The following ACCSL variants were observed in gnomAD, a reference collection of about 807,000 sequenced individuals.
ACCSL encodes probable inactive 1-aminocyclopropane-1-carboxylate synthase-like protein 2.
A neutral mutation model predicts 61.7 loss-of-function variants in ACCSL; 55 were observed. That is an observed-to-expected ratio of 0.89 (90% CI 0.72 to 1.12). The LOEUF is 1.12. Among genes scored for constraint, ACCSL ranks in the 50% most tolerant of loss-of-function variants. ACCSL has a pLI of 0.00. For synonymous variants in ACCSL, 258 were observed against 264.3 expected (o/e 0.98, Z 0.23); for missense variants, 632 against 698.0 (o/e 0.91, Z 1.07).
At chr11:44,057,145 G>A (rs1300703330) in intron 11 of ACCSL, among the ~76,000 whole-genome samples, 3 of 152,138 alleles carry the variant, frequency 2.0e-5, no homozygotes, top group Non-Finnish European at 2.9e-5. Context: ...TAGATTCATC[G>A]TCCCCTTGCT....
At chr11:43,926,460 C>T in the ACCSL span, 1 of 455,650 alleles carries the variant, frequency 2.2e-6, no homozygotes, top group Non-Finnish European at 4.4e-6. Flanking sequence ...TACAGAACGC[C>T]TTGGCCTGCA....
chr11:43,954,194 G>A, the ACCSL span, among the ~76,000 whole-genome samples: 1 of 152,160 alleles, frequency 6.6e-6, no homozygotes. Flanking sequence ...GAGCAAATGT[G>A]TTTTGTTATG....
At chr11:43,988,040 G>A in the ACCSL span, among the ~76,000 whole-genome samples, 1 of 152,116 alleles carries the variant, frequency 6.6e-6, no homozygotes, top group Non-Finnish European at 1.5e-5. Flanking sequence ...ACCCCCACAG[G>A]AAGGATGAAT....
At chr11:44,007,747 T>G in the ACCSL span, among the ~76,000 whole-genome samples, 1 of 152,214 alleles carries the variant, frequency 6.6e-6, no homozygotes, top group Non-Finnish European at 1.5e-5. Context: ...GATGATTATG[T>G]ATGCCCTTGC....
chr11:43,921,423 C>A, the ACCSL span, among the ~76,000 whole-genome samples: 10 of 152,184 alleles, frequency 6.6e-5, no homozygotes, highest in Non-Finnish European at 2.9e-5. Flanking sequence ...ATATGAAATA[C>A]TTTCTAAAAT....
chr11:44,050,700 A>C, intron 3 of ACCSL, 78 bp downstream of exon 3: 3 of 1,411,486 alleles, frequency 2.1e-6, no homozygotes, highest in Non-Finnish European at 3.0e-6. Context: ...CAAGGCACCA[A>C]ATTCCTGGTT....
rs932434588 is a variant in ACCSL, at chr11:44,051,579, G to T, written c.706-74G>T. ...TCCCTGTGCCTGTTCTGCCCAGGGG[G>T]ATGGAGAAAGCATGGCTACCCCTTC... On this transcript the variant is annotated intron_variant, in intron 4 of 13. Transcript: ENST00000378832. The T allele has an allele frequency of 5.7e-6, 9 of 1,590,506 alleles. No homozygotes were observed. The African/African-American group carries it at 1.1e-4, about 19-fold the overall frequency.
At chr11:44,016,091 C>T in the ACCSL span, among the ~76,000 whole-genome samples, 1 of 152,218 alleles carries the variant, frequency 6.6e-6, no homozygotes, top group South Asian at 2.1e-4. Flanking sequence ...ACACTTCTTC[C>T]AACCAATGAA....
At chr11:43,981,959 G>A in the ACCSL span, among the ~76,000 whole-genome samples, 1 of 152,206 alleles carries the variant, frequency 6.6e-6, no homozygotes, top group African/African-American at 2.4e-5. Context: ...CTTGAGTCCT[G>A]GTCTGTTTGT....
chr11:43,988,747 T>C, the ACCSL span, among the ~76,000 whole-genome samples: 1 of 150,704 alleles, frequency 6.6e-6, no homozygotes, highest in East Asian at 2.0e-4. Flanking sequence ...CAAAACAGGA[T>C]GATTGCTCTT....
the ACCSL span, among the ~76,000 whole-genome samples, chr11:43,942,031 C>CGTGTGTGT: frequency 5.2e-5 from 6 of 114,464 alleles, no homozygotes; most frequent in East Asian, 1.0e-3. Context: ...TGTTTGCATT[C>CGTGTGTGT]GTGCGTGTGT....
chr11:43,942,971 G>T, the ACCSL span: 7 of 1,495,686 alleles, frequency 4.7e-6, no homozygotes, highest in Admixed American at 1.6e-4. Context: ...GCCGCACTTC[G>T]TGTGCCTGGC....
At chr11:43,946,388 A>T in the ACCSL span, among the ~76,000 whole-genome samples, 2 of 152,160 alleles carry the variant, frequency 1.3e-5, no homozygotes, top group Non-Finnish European at 2.9e-5. Flanking sequence ...GTGAGCCACC[A>T]TGCCTGGCCC....
the ACCSL span, chr11:43,921,274 C>G: frequency 6.6e-6 from 1 of 152,190 alleles, no homozygotes; most frequent in African/African-American, 2.4e-5. Flanking sequence ...TGCTCTGACT[C>G]GGCACTCAGA....
chr11:44,038,124 T>C, the ACCSL span, among the ~76,000 whole-genome samples: 1 of 151,906 alleles, frequency 6.6e-6, no homozygotes, highest in Non-Finnish European at 1.5e-5. Context: ...GCTATAAAAA[T>C]GAAAGGTGGG....
At chr11:44,004,529 C>T in the ACCSL span, among the ~76,000 whole-genome samples, 6 of 152,254 alleles carry the variant, frequency 3.9e-5, no homozygotes, top group East Asian at 5.8e-4. Flanking sequence ...AGCCTGTCTG[C>T]GACTCTCAAG....
chr11:44,038,778 A>T, the ACCSL span, among the ~76,000 whole-genome samples: 3 of 152,148 alleles, frequency 2.0e-5, no homozygotes, highest in African/African-American at 7.2e-5. Flanking sequence ...CTTACTTTTT[A>T]AAAAATTTTG....
chr11:43,974,578 C>T, the ACCSL span, among the ~76,000 whole-genome samples: 1 of 152,190 alleles, frequency 6.6e-6, no homozygotes, highest in East Asian at 1.9e-4. Flanking sequence ...AGCAGTGGCA[C>T]CATTCAATCC....
the ACCSL span, among the ~76,000 whole-genome samples, chr11:44,027,147 T>C: frequency 6.6e-6 from 1 of 152,228 alleles, no homozygotes; most frequent in African/African-American, 2.4e-5. Flanking sequence ...ACAATAAGTT[T>C]CTCAGCCTTT....
Sources: allele counts gnomAD v4.1 joint callset (sites outside exome capture counted in the v4.1 genomes callset), GRCh38; gene constraint gnomAD v4.1.1; transcripts MANE v1.5; gene names NCBI Gene and HGNC (gene_info 2026-07-23, HGNC 2026-07-21).